The following SDK1 variants were observed in gnomAD, a reference collection of about 807,000 sequenced individuals.
The protein encoded by SDK1 is sidekick cell adhesion molecule 1, also known as protein sidekick-1.
SDK1 carries 157 observed loss-of-function variants against 245.5 expected under a neutral mutation model. The ratio of observed to expected loss-of-function variants is 0.64; its 90% CI spans 0.56 to 0.73. SDK1 has a LOEUF of 0.73. Among genes scored for constraint, SDK1 ranks in the 30% least tolerant of loss-of-function variants. The pLI, the probability that SDK1 is intolerant of heterozygous loss-of-function variation, is 0.00. For synonymous variants in SDK1, 1,647 were observed against 1,278.5 expected (o/e 1.29, Z -6.15); for missense variants, 3,583 against 3,002.3 (o/e 1.19, Z -4.52).
chr7:3,619,889 G>T lies in SDK1; in HGVS notation c.458+650G>T, dbSNP rs531973144. 4.6e-5 allele frequency among the ~76,000 whole-genome samples: 7 copies of T among 152,264 alleles called. No homozygotes were observed. In the East Asian group the frequency reaches 1.4e-3, roughly 29 times the overall value. ...GTAAGACTGAGGTGTAGATTCACCT[G>T]GAGGCAGTAGCACAGCCTTTGGAGC... On this transcript the variant is annotated intron_variant, in intron 2 of 44. Coordinates refer to ENST00000404826, the MANE Select transcript of SDK1 (RefSeq NM_152744.4).
intron 4 of SDK1, among the ~76,000 whole-genome samples, chr7:3,799,687 A>G (rs923456680): frequency 2.9e-5 from 4 of 136,288 alleles, no homozygotes; most frequent in African/African-American, 1.1e-4. Context: ...CCTGGGCGAC[A>G]GAGTGAGACT....
At chr7:3,883,796 A>G (rs376976146) in intron 5 of SDK1, among the ~76,000 whole-genome samples, 21 of 146,578 alleles carry the variant, frequency 1.4e-4, no homozygotes, top group East Asian at 6.2e-4. Context: ...CTCTTGCCCT[A>G]GTTCTAGTCT....
chr7:4,190,627 C>G (rs1196845919), intron 35 of SDK1, among the ~76,000 whole-genome samples: 2 of 152,252 alleles, frequency 1.3e-5, no homozygotes, highest in Non-Finnish European at 2.9e-5. Flanking sequence ...TTCTCCAATG[C>G]GCTGCACCCG....
At position 4,139,900 on chromosome 7, in the gene SDK1, T is replaced by A. The variant is rs1779457383; in HGVS notation, c.4229-5822T>A. Among the ~76,000 whole-genome samples, 3 of 151,830 alleles carry A rather than the reference T, an allele frequency of 2.0e-5. No individual in the cohort carries two copies. The South Asian group carries it at 6.2e-4, about 32-fold the overall frequency. ...GCCCTCGGGACTCAGGCAGGGAGAG[T>A]CCATCGATGGGAACGATCTGGTAAT... is the stretch of plus-strand genomic sequence containing the variant. On this transcript the variant is annotated intron_variant, in intron 28 of 44. Transcript: ENST00000404826.
rs548894144 is a variant in SDK1, at chr7:3,968,922, C to T, written c.1547-335C>T. On this transcript the variant is annotated intron_variant, in intron 10 of 44. Transcript: ENST00000404826. ...CACAGTTCTGCATAGCTGGGGAGGC[C>T]TCAGGAAATCATGGTGGAAGGTGAA... Among the ~76,000 whole-genome samples the T allele has an allele frequency of 5.3e-5, 8 of 152,278 alleles. No homozygotes were observed. The South Asian group carries it at 8.3e-4, about 16-fold the overall frequency.
intron 1 of SDK1, among the ~76,000 whole-genome samples, chr7:3,475,657 C>T (rs555407651): frequency 6.6e-6 from 1 of 152,276 alleles, no homozygotes; most frequent in African/African-American, 2.4e-5. Flanking sequence ...TTTTCCCCCT[C>T]CAGATGAAAG....
At chr7:3,671,067 C>A (rs1783686881) in intron 4 of SDK1, among the ~76,000 whole-genome samples, 1 of 152,154 alleles carries the variant, frequency 6.6e-6, no homozygotes, top group Non-Finnish European at 1.5e-5. Flanking sequence ...GCTCTAGGCC[C>A]TTGGAGGACT....
chr7:3,634,300 C>T (rs551213753), intron 2 of SDK1, among the ~76,000 whole-genome samples: 9 of 152,208 alleles, frequency 5.9e-5, no homozygotes, highest in East Asian at 3.9e-4. Flanking sequence ...GAGATGGACC[C>T]GATGCTGCCT....
At chr7:3,537,497 A>G (rs151337130) in intron 1 of SDK1, among the ~76,000 whole-genome samples, 279 of 152,236 alleles carry the variant, frequency 1.8e-3, no homozygotes, top group African/African-American at 6.5e-3. Flanking sequence ...TTGTCACTCT[A>G]AGGAATTTGT....
At chr7:3,784,112 G>T (rs1243470301) in intron 4 of SDK1, among the ~76,000 whole-genome samples, 1 of 150,096 alleles carries the variant, frequency 6.7e-6, no homozygotes, top group Non-Finnish European at 1.5e-5. Flanking sequence ...TTAGAGAAAG[G>T]GTCTCCCTAT....
At chr7:3,884,700 C>T (rs981397236) in intron 5 of SDK1, among the ~76,000 whole-genome samples, 1 of 152,194 alleles carries the variant, frequency 6.6e-6, no homozygotes, top group African/African-American at 2.4e-5. Flanking sequence ...CCCTCCAGCT[C>T]CAGCTCCCAG....
At position 4,065,694 on chromosome 7, in the gene SDK1, G is replaced by GTTTTTTTTTTTT. The variant is rs749991713; in HGVS notation, c.2912-2120_2912-2109dup. ...AGTTTCACCCAGATGAGTGGTTGTT[G>GTTTTTTTTTTTT]TTTTTTTTTTTTTTTTTTTTTTTTT... On this transcript the variant is annotated intron_variant, in intron 19 of 44. Coordinates refer to ENST00000404826, the MANE Select transcript of SDK1 (RefSeq NM_152744.4). Among the ~76,000 whole-genome samples the GTTTTTTTTTTTT allele has an allele frequency of 6.3e-4, 42 of 66,726 alleles. 2 individuals are homozygous for GTTTTTTTTTTTT. Among genetic ancestry groups the GTTTTTTTTTTTT allele is most frequent in the Non-Finnish European group, 1.0e-3 (28 of 27,170 alleles). The allele number at this position is 66,726 out of a possible 152,430, so 43.8% of individuals were successfully genotyped here.
intron 4 of SDK1, among the ~76,000 whole-genome samples, chr7:3,803,268 G>A (rs1342166867): frequency 1.3e-5 from 2 of 150,054 alleles, no homozygotes; most frequent in African/African-American, 4.9e-5. Context: ...GCTTCTTGTT[G>A]TACTCTGCCC....
intron 40 of SDK1, among the ~76,000 whole-genome samples, chr7:4,229,679 T>C (rs1378432726): frequency 1.3e-5 from 2 of 152,150 alleles, no homozygotes; most frequent in Non-Finnish European, 2.9e-5. Flanking sequence ...CTCAGAACAG[T>C]CTGAAGAAAT....
At chr7:4,237,621 A>T in intron 41 of SDK1, 26 bp from the exon 42 acceptor site, 1 of 1,613,950 alleles carries the variant, frequency 6.2e-7, no homozygotes, top group African/African-American at 1.3e-5. Context: ...GCCCCATGTC[A>T]TTGTGTGTCC....
At chr7:3,802,569 A>C (rs1420204206) in intron 4 of SDK1, among the ~76,000 whole-genome samples, 5 of 150,774 alleles carry the variant, frequency 3.3e-5, no homozygotes, top group East Asian at 3.9e-4. Context: ...CTGTTCTGTC[A>C]CCACAGACAT....
chr7:3,840,507 C>G (rs749255713), intron 5 of SDK1, among the ~76,000 whole-genome samples: 5 of 152,290 alleles, frequency 3.3e-5, no homozygotes, highest in Non-Finnish European at 7.4e-5. Context: ...GTACTATCAG[C>G]ATCATCCTGG....
At chr7:3,602,968 G>C (rs1781296816) in intron 1 of SDK1, among the ~76,000 whole-genome samples, 1 of 152,138 alleles carries the variant, frequency 6.6e-6, no homozygotes, top group African/African-American at 2.4e-5. Context: ...TCTCAGGTTT[G>C]TCAAAGATCA....
At chr7:3,674,836 G>T (rs181070768) in intron 4 of SDK1, among the ~76,000 whole-genome samples, 2 of 152,122 alleles carry the variant, frequency 1.3e-5, no homozygotes, top group Non-Finnish European at 2.9e-5. Context: ...TGTTCAGCAC[G>T]CATTGGGTAA....
Sources: gnomAD v4.1 joint callset for allele counts (sites outside exome capture counted in the v4.1 genomes callset) on GRCh38, gnomAD v4.1.1 for gene constraint, MANE v1.5 for transcripts, NCBI Gene and HGNC (gene_info 2026-07-23, HGNC 2026-07-21) for gene names.